SPAG9: variants seen among roughly 807,000 people sequenced by gnomAD.
SPAG9 encodes sperm associated antigen 9.
SPAG9 carries 35 observed loss-of-function variants against 166.5 expected under a neutral mutation model. The observed-to-expected ratio is 0.21, with a 90% CI of 0.16 to 0.28. The LOEUF (loss-of-function observed/expected upper bound fraction) is 0.28. Ranked by LOEUF, SPAG9 falls within the 10% of genes least tolerant of loss-of-function variation. The pLI, the probability that SPAG9 is intolerant of heterozygous loss-of-function variation, is 1.00. For synonymous variants in SPAG9, 534 were observed against 565.5 expected, an observed-to-expected ratio of 0.94 and a Z score of 0.79; for missense variants, 1,235 against 1,603.3, an observed-to-expected ratio of 0.77 and a Z score of 3.92.
intron 5 of SPAG9, among the ~76,000 whole-genome samples, chr17:51,039,282 C>G (rs531897265): frequency 6.6e-6 from 1 of 152,262 alleles, no homozygotes; most frequent in South Asian, 2.1e-4. Flanking sequence ...CTGTTATACA[C>G]AGAAACCAAA....
intron 2 of SPAG9, among the ~76,000 whole-genome samples, chr17:51,057,098 T>A (rs2047382897): frequency 1.3e-5 from 2 of 151,946 alleles, no homozygotes; most frequent in East Asian, 3.9e-4. Flanking sequence ...CAAAGAGGAA[T>A]GATTCAGGGA....
chr17:51,052,590 C>CT, intron 3 of SPAG9, among the ~76,000 whole-genome samples: 1 of 150,852 alleles, frequency 6.6e-6, no homozygotes, highest in East Asian at 1.9e-4. Flanking sequence ...TTCCTGAGAT[C>CT]TTTTTTTCTT....
intron 2 of SPAG9, among the ~76,000 whole-genome samples, chr17:51,069,093 AG>A (rs1202462389): frequency 6.6e-6 from 1 of 152,130 alleles, no homozygotes; most frequent in Non-Finnish European, 1.5e-5. Context: ...CTGATTAAAC[AG>A]ACTAAAAGTA....
chr17:50,975,022 C>G, intron 27 of SPAG9, 75 bp from the exon 28 acceptor site: 1 of 1,365,248 alleles, frequency 7.3e-7, no homozygotes, highest in Non-Finnish European at 1.0e-6. Context: ...ACTGGTTAAT[C>G]CTTATGATAT....
intron 21 of SPAG9, among the ~76,000 whole-genome samples, chr17:50,988,431 GT>G (rs1300706297): frequency 6.6e-6 from 1 of 152,114 alleles, no homozygotes; most frequent in Non-Finnish European, 1.5e-5. Flanking sequence ...AAAGGATCTA[GT>G]TTAAAGAGAC....
intron 1 of SPAG9, among the ~76,000 whole-genome samples, chr17:51,089,463 C>T (rs1026050891): frequency 1.5e-4 from 22 of 150,352 alleles, no homozygotes; most frequent in Non-Finnish European, 2.7e-4. Flanking sequence ...AAGAAGTCGA[C>T]AGGTGCACCG....
intron 2 of SPAG9, among the ~76,000 whole-genome samples, chr17:51,059,346 T>C (rs1457761226): frequency 6.6e-6 from 1 of 152,106 alleles, no homozygotes; most frequent in Non-Finnish European, 1.5e-5. Context: ...TATCCTACAA[T>C]GGCTATGAGT....
intron 6 of SPAG9, among the ~76,000 whole-genome samples, chr17:51,022,656 T>C (rs747194436): frequency 1.3e-4 from 19 of 150,924 alleles, no homozygotes; most frequent in Non-Finnish European, 2.5e-4. Context: ...ATAATAATAA[T>C]AATAACAATA....
intron 3 of SPAG9, among the ~76,000 whole-genome samples, chr17:51,053,854 A>ATATATAT (rs1491529465): frequency 2.0e-3 from 70 of 34,424 alleles, no homozygotes; most frequent in South Asian, 2.9e-3. Flanking sequence ...AAAAAAAAAA[A>ATATATAT]GTATATATAT....
chr17:51,087,512 C>A (rs1397582104), intron 1 of SPAG9, among the ~76,000 whole-genome samples: 1 of 152,110 alleles, frequency 6.6e-6, no homozygotes. Context: ...AGAATAGTTT[C>A]TTTGTCTCTA....
chr17:51,057,173 G>C (rs574174699), intron 2 of SPAG9, among the ~76,000 whole-genome samples: 7 of 152,300 alleles, frequency 4.6e-5, no homozygotes, highest in African/African-American at 1.4e-4. Context: ...ATGGTAATGA[G>C]AGCATTCCTG....
chr17:50,990,491 G>C lies in SPAG9; in HGVS notation c.2576C>G (p.Pro859Arg). ...CACTGGAGAAGCACCATTTGTACTA[G>C]GGGAAGTGGCAGCTCCCGTCACACC... is the stretch of plus-strand genomic sequence containing the variant. ...AEGVTGAATS[P>R]STNGASPVMD... is the part of the protein sequence containing the mutation. Residue 859 changes from proline to arginine, a missense_variant, in exon 20 of 30, where the codon CCT becomes CGT. Physicochemically the swap from Pro to Arg is moderately radical, Grantham distance 103. This residue lies in a region of SPAG9 where 493 missense variants were observed against 559.4 expected (regional missense o/e 0.88). Transcript: ENST00000262013. 6.2e-7 allele frequency: 1 copy of C among 1,614,200 alleles called. No individual in the cohort carries two copies. The highest frequency in any genetic ancestry group is 1.1e-5 in the South Asian group (1 of 91,082).
At chr17:50,967,141 C>T (rs957583451) in intron 29 of SPAG9, among the ~76,000 whole-genome samples, 1 of 152,214 alleles carries the variant, frequency 6.6e-6, no homozygotes, top group African/African-American at 2.4e-5. Context: ...CTCCATAAGA[C>T]CCAGTGCAGG....
At chr17:51,066,388 G>C (rs935599005) in intron 2 of SPAG9, among the ~76,000 whole-genome samples, 1 of 151,858 alleles carries the variant, frequency 6.6e-6, no homozygotes, top group African/African-American at 2.4e-5. Context: ...TGAGATTACA[G>C]GTGTGAGCCA....
At chr17:51,074,838 C>T (rs1457971696) in intron 2 of SPAG9, among the ~76,000 whole-genome samples, 2 of 152,024 alleles carry the variant, frequency 1.3e-5, no homozygotes, top group African/African-American at 2.4e-5. Flanking sequence ...GATAACAAAT[C>T]TGGGACAATG....
chr17:50,984,196 A>G (rs1324347774), intron 24 of SPAG9, among the ~76,000 whole-genome samples: 1 of 152,190 alleles, frequency 6.6e-6, no homozygotes, highest in African/African-American at 2.4e-5. Flanking sequence ...AGATGAAACA[A>G]TGGTTTTAAA....
At chr17:51,104,794 G>A (rs1202371449) in intron 1 of SPAG9, among the ~76,000 whole-genome samples, 3 of 151,658 alleles carry the variant, frequency 2.0e-5, no homozygotes, top group African/African-American at 4.8e-5. Flanking sequence ...TTAGCCGGGC[G>A]TGGTAGCGGG....
chr17:51,098,213 A>G (rs1389384082), intron 1 of SPAG9, among the ~76,000 whole-genome samples: 2 of 151,948 alleles, frequency 1.3e-5, no homozygotes, highest in Admixed American at 6.6e-5. Flanking sequence ...AACAAGGTTC[A>G]AGGGTGGCAT....
intron 24 of SPAG9, among the ~76,000 whole-genome samples, chr17:50,984,408 C>G (rs1056154604): frequency 1.3e-5 from 2 of 152,080 alleles, no homozygotes; most frequent in African/African-American, 4.8e-5. Flanking sequence ...AAGTACCAGC[C>G]GGGCACGGTG....
Sources: allele counts gnomAD v4.1 joint callset (sites outside exome capture counted in the v4.1 genomes callset), GRCh38; gene constraint gnomAD v4.1.1; regional missense constraint gnomAD v4.1.1; transcripts MANE v1.5; gene names NCBI Gene and HGNC (gene_info 2026-07-23, HGNC 2026-07-21).